AKAP19: variants seen among roughly 807,000 people sequenced by gnomAD.
AKAP19 encodes small A-kinase anchoring protein.
the AKAP19 span, chr2:190,062,285 G>A: frequency 2.1e-5 from 34 of 1,613,176 alleles, no homozygotes; most frequent in African/African-American, 4.1e-4. Context: ...CTTCCAAAGA[G>A]CCATCGCTGC....
At chr2:190,169,968 T>C in the AKAP19 span, among the ~76,000 whole-genome samples, 1 of 152,250 alleles carries the variant, frequency 6.6e-6, no homozygotes, top group African/African-American at 2.4e-5. Flanking sequence ...AATGTATTTT[T>C]GCCATTAAAA....
chr2:189,988,655 A>G, the AKAP19 span, among the ~76,000 whole-genome samples: 1 of 152,182 alleles, frequency 6.6e-6, no homozygotes, highest in Non-Finnish European at 1.5e-5. Context: ...AATCTTTTCT[A>G]TGTGTGGGAC....
the AKAP19 span, among the ~76,000 whole-genome samples, chr2:190,148,132 T>G: frequency 6.6e-6 from 1 of 152,232 alleles, no homozygotes; most frequent in Non-Finnish European, 1.5e-5. Context: ...AGTATTATGT[T>G]GGCTGTGGCT....
chr2:190,119,709 TTTC>T, the AKAP19 span, among the ~76,000 whole-genome samples: 1 of 152,178 alleles, frequency 6.6e-6, no homozygotes, highest in Non-Finnish European at 1.5e-5. Flanking sequence ...CCTAAAATAA[TTTC>T]TTATTAACTC....
chr2:189,933,568 T>C, the AKAP19 span, among the ~76,000 whole-genome samples: 1 of 151,896 alleles, frequency 6.6e-6, no homozygotes, highest in Non-Finnish European at 1.5e-5. Flanking sequence ...TGGGTTGAAA[T>C]TTTCAAAAAG....
At chr2:190,194,479 C>T in the AKAP19 span, among the ~76,000 whole-genome samples, 5 of 52,856 alleles carry the variant, frequency 9.5e-5, no homozygotes, top group East Asian at 7.0e-4. Flanking sequence ...CCTGTGTATA[C>T]ACACACACAC....
chr2:190,101,856 A>G, the AKAP19 span, among the ~76,000 whole-genome samples: 7 of 152,172 alleles, frequency 4.6e-5, no homozygotes, highest in African/African-American at 1.7e-4. Flanking sequence ...TCTAATAGAT[A>G]TTGACAAAAT....
At chr2:189,944,688 C>A in the AKAP19 span, among the ~76,000 whole-genome samples, 2 of 152,132 alleles carry the variant, frequency 1.3e-5, no homozygotes, top group Non-Finnish European at 2.9e-5. Context: ...ACGAACAGAT[C>A]ATCCAGATAG....
chr2:189,953,946 A>G, the AKAP19 span, among the ~76,000 whole-genome samples: 16 of 152,212 alleles, frequency 1.1e-4, no homozygotes, highest in Non-Finnish European at 1.9e-4. Context: ...GGTATTGCCA[A>G]CATGAAAACA....
the AKAP19 span, among the ~76,000 whole-genome samples, chr2:189,892,014 T>C: frequency 1.3e-5 from 2 of 151,854 alleles, no homozygotes; most frequent in African/African-American, 4.8e-5. Flanking sequence ...TTTCTTCTGC[T>C]TGATCGATTC....
the AKAP19 span, among the ~76,000 whole-genome samples, chr2:190,080,699 GC>G: frequency 6.6e-6 from 1 of 152,304 alleles, no homozygotes; most frequent in East Asian, 1.9e-4. Flanking sequence ...GGCCTTATGT[GC>G]CAGGCACATC....
At chr2:190,008,956 T>C in the AKAP19 span, among the ~76,000 whole-genome samples, 3 of 152,084 alleles carry the variant, frequency 2.0e-5, no homozygotes, top group Non-Finnish European at 4.4e-5. Context: ...AGGGTGATAT[T>C]TGAGGAAAAT....
the AKAP19 span, among the ~76,000 whole-genome samples, chr2:189,991,904 C>A: frequency 6.6e-6 from 1 of 152,092 alleles, no homozygotes; most frequent in Non-Finnish European, 1.5e-5. Flanking sequence ...CAGCTTCATT[C>A]TTCTACATGT....
chr2:190,091,227 C>T, the AKAP19 span, among the ~76,000 whole-genome samples: 1 of 152,286 alleles, frequency 6.6e-6, no homozygotes, highest in East Asian at 1.9e-4. Context: ...AATCAGATAA[C>T]TTGTCAGCAC....
At chr2:190,043,956 G>A in the AKAP19 span, among the ~76,000 whole-genome samples, 5 of 152,194 alleles carry the variant, frequency 3.3e-5, no homozygotes, top group East Asian at 1.9e-4. Context: ...AAGGGAATAT[G>A]TTAGTGAGGT....
At chr2:190,166,356 C>A in the AKAP19 span, among the ~76,000 whole-genome samples, 1 of 95,614 alleles carries the variant, frequency 1.0e-5, no homozygotes. Context: ...AGGTCTGCTA[C>A]ACTTTTGCAA....
At chr2:189,923,976 A>G in the AKAP19 span, 4 of 1,604,558 alleles carry the variant, frequency 2.5e-6, no homozygotes, top group Non-Finnish European at 8.5e-7. Context: ...CAAGCAGTAG[A>G]GATGAACAAT....
chr2:190,047,284 GC>G, the AKAP19 span, among the ~76,000 whole-genome samples: 1 of 152,116 alleles, frequency 6.6e-6, no homozygotes, highest in East Asian at 1.9e-4. Flanking sequence ...GTTTTGGAAT[GC>G]CCTTCTTCCT....
chr2:190,135,002 T>C, the AKAP19 span, among the ~76,000 whole-genome samples: 3 of 152,188 alleles, frequency 2.0e-5, no homozygotes, highest in Non-Finnish European at 4.4e-5. Flanking sequence ...TTTAAAATTT[T>C]AACAGGGTCT....
Sources: gnomAD v4.1 joint callset for allele counts (sites outside exome capture counted in the v4.1 genomes callset) on GRCh38, gnomAD v4.1.1 for gene constraint, MANE v1.5 for transcripts, NCBI Gene and HGNC (gene_info 2026-07-23, HGNC 2026-07-21) for gene names.